Variants in DNPEP observed in about 807,000 individuals in gnomAD.
DNPEP encodes aspartyl aminopeptidase.
In DNPEP, 46 loss-of-function variants were observed where a neutral mutation model predicts 59.1. The ratio of observed to expected loss-of-function variants is 0.78; its 90% CI spans 0.61 to 0.99. The LOEUF is 0.99. Ranked by LOEUF, DNPEP falls within the 50% of genes least tolerant of loss-of-function variation. The pLI, the probability that DNPEP is intolerant of heterozygous loss-of-function variation, is 0.00. For synonymous variants in DNPEP, 229 were observed against 242.2 expected (o/e 0.95, Z 0.50); for missense variants, 617 against 649.9 (o/e 0.95, Z 0.55).
upstream of DNPEP, among the ~76,000 whole-genome samples, chr2:219,391,261 C>G (rs946379455): frequency 6.6e-6 from 1 of 152,200 alleles, no homozygotes; most frequent in Non-Finnish European, 1.5e-5. Context: ...ATGTCAGCCT[C>G]TTTCGTCGGC....
intron 13 of DNPEP, among the ~76,000 whole-genome samples, chr2:219,377,277 CAAAAAAAAAAAAAAAAAA>C (rs386392672): frequency 1.1e-4 from 7 of 66,104 alleles, no homozygotes; most frequent in Non-Finnish European, 1.6e-4. Flanking sequence ...CTCACTCTGT[CAAAAAAAAAAAAAAAAAA>C]AAAAAAAAAA....
Position 219,381,991 on chromosome 2 carries a change from T to C in DNPEP, c.1085A>G (p.His362Arg). ...ACTAGAGACTCACAGGTAGTTGGGATGCACAGCATGGGCCATGTCTGCGCT... is the reference window on the plus strand; with the variant it reads ...ACTAGAGACTCACAGGTAGTTGGGACGCACAGCATGGGCCATGTCTGCGCT... ...MISADMAHAV[H>R]PNYLDKHEEN... Residue 362 changes from histidine to arginine, a missense_variant, in exon 11 of 15, where the codon CAT becomes CGT. Coordinates refer to ENST00000273075, the MANE Select transcript of DNPEP (RefSeq NM_012100.4). 6.2e-7 allele frequency: 1 copy of C among 1,614,218 alleles called. No individual in the cohort carries two copies. The highest frequency in any genetic ancestry group is 1.1e-5 in the South Asian group (1 of 91,086).
chr2:219,381,628 G>A (rs1241595553), intron 11 of DNPEP, 44 bp from the exon 12 acceptor site: 4 of 1,598,680 alleles, frequency 2.5e-6, no homozygotes, highest in African/African-American at 2.7e-5. Flanking sequence ...ACAGGAGCAG[G>A]CCTGTCGACA....
chr2:219,384,605 G>A, intron 8 of DNPEP, 162 bp from the exon 9 acceptor site: 1 of 554,838 alleles, frequency 1.8e-6, no homozygotes, highest in Non-Finnish European at 3.3e-6. Flanking sequence ...GTTCGCTCTT[G>A]TCGCCCAGTC....
In DNPEP at chr2:219,386,298, G is replaced by A. The variant is rs764218206; in HGVS notation, c.447C>T (p.Arg149=). The A allele has an allele frequency of 9.9e-6, 16 of 1,614,146 alleles. No individual in the cohort carries two copies. Among genetic ancestry groups the A allele is most frequent in the Middle Eastern group, 1.6e-4 (1 of 6,062 alleles). ...WFDRDLTLAG[R]VIVKCPTSGR... ...CCTCGGTTCCCACCTTGACAATGAC[G>A]CGTCCAGCCAGAGTCAGGTCACGGT... Residue 149 remains arginine, a synonymous_variant, in exon 5 of 15, where the codon CGC becomes CGT. Coordinates refer to ENST00000273075, the MANE Select transcript of DNPEP (RefSeq NM_012100.4).
chr2:219,376,837 A>G (rs549102234), intron 13 of DNPEP, among the ~76,000 whole-genome samples: 2 of 152,304 alleles, frequency 1.3e-5, no homozygotes, highest in African/African-American at 2.4e-5. Context: ...TGTCAGGTCA[A>G]TAGGGGAAAA....
At position 219,386,559 on chromosome 2, in the gene DNPEP, C is replaced by T. The variant is rs528828428; in HGVS notation, c.333+106G>A. 2.8e-6 allele frequency: 4 copies of T among 1,441,738 alleles called. No individual in the cohort carries two copies. In the African/African-American group the frequency reaches 4.2e-5, roughly 15 times the overall value. The allele number at this position is 1,441,738 out of a possible 1,614,324, so 89.3% of individuals were successfully genotyped here. A position where few individuals can be genotyped will look rare whatever the true frequency, so the allele number is the denominator to read the frequency against. The stretch of plus-strand genomic sequence containing the variant: ...GAAGGGGCCAACAAGTTTACCTTCT[C>T]CCTTACTCCAGGGGATAGAGGCCCC... On this transcript the variant is annotated intron_variant, in intron 4 of 14. Coordinates refer to ENST00000273075, the MANE Select transcript of DNPEP (RefSeq NM_012100.4).
At position 219,399,771 on chromosome 2, in the gene DNPEP, C is replaced by G. The variant is rs1236066070; in HGVS notation, c.-158+169G>C. 3 of 1,016,466 alleles carry G rather than the reference C, an allele frequency of 3.0e-6. No individual in the cohort carries two copies. The Admixed American group carries it at 6.4e-5, about 22-fold the overall frequency. 63.0% of individuals were successfully genotyped at this position (1,016,466 alleles called of 1,614,324 possible). On this transcript the variant is annotated intron_variant, in intron 1 of 6. Transcript: ENST00000434339. ...CCCTATTTCATTCATCTCTTTATCC[C>G]CATAATGCCTAAGCCAGTGCGTGGC...
At chr2:219,394,570 C>G (rs979800883) in intron 1 of DNPEP, among the ~76,000 whole-genome samples, 1 of 152,142 alleles carries the variant, frequency 6.6e-6, no homozygotes, top group African/African-American at 2.4e-5. Context: ...GCCACGGTGC[C>G]TGGCCTCATC....
At chr2:219,391,184 T>C (rs1954010697), upstream of DNPEP, among the ~76,000 whole-genome samples, 3 of 152,328 alleles carry the variant, frequency 2.0e-5, no homozygotes, top group South Asian at 6.2e-4. Context: ...AATCCACCAT[T>C]TCATCTCTGA....
chr2:219,382,470 C>A (rs982681713), intron 10 of DNPEP, among the ~76,000 whole-genome samples: 2 of 152,188 alleles, frequency 1.3e-5, no homozygotes, highest in African/African-American at 4.8e-5. Flanking sequence ...TCCATGATAT[C>A]TTTTAGAACA....
chr2:219,396,005 C>A (rs1016186973), intron 1 of DNPEP, among the ~76,000 whole-genome samples: 3 of 152,044 alleles, frequency 2.0e-5, no homozygotes, highest in African/African-American at 7.3e-5. Flanking sequence ...TAATACTCAG[C>A]GATAAAAAGG....
At position 219,372,850 on chromosome 2, in the gene DNPEP, T is replaced by C. The variant is rs1334741984; in HGVS notation, c.*1442A>G. Among the ~76,000 whole-genome samples the C allele has an allele frequency of 6.6e-6, 1 of 152,206 alleles. No individual in the cohort carries two copies. The highest frequency in any genetic ancestry group is 1.5e-5 in the Non-Finnish European group (1 of 68,042). ...GGGCTTGCCTTTACTGAGAAATCTTTAGATGAATTCTAACTTTTTGCCATT... is the reference window on the plus strand; with the variant it reads ...GGGCTTGCCTTTACTGAGAAATCTTCAGATGAATTCTAACTTTTTGCCATT... On this transcript the variant is annotated 3_prime_UTR_variant, in exon 15 of 15. Coordinates refer to ENST00000273075, the MANE Select transcript of DNPEP (RefSeq NM_012100.4).
chr2:219,381,672 G>C, intron 11 of DNPEP, 88 bp from the exon 12 acceptor site: 1 of 1,405,200 alleles, frequency 7.1e-7, no homozygotes. Context: ...ATCACTAATA[G>C]ATCACCACTC....
Position 219,384,350 on chromosome 2 carries a change from C to T in DNPEP, c.852+16G>A, listed in dbSNP as rs73085218. On this transcript the variant is annotated intron_variant, in intron 9 of 14. Transcript: ENST00000273075. Reference sequence around the variant, plus strand: ...GCTGGTGGTTATGTGCTGCCTGGGGCGCCCCGGCTCCTCACCTGCAGGGCA... The same window carrying T: ...GCTGGTGGTTATGTGCTGCCTGGGGTGCCCCGGCTCCTCACCTGCAGGGCA... 568 of 1,600,176 alleles carry T rather than the reference C, an allele frequency of 3.5e-4. 2 individuals carry two copies. The African/African-American group carries it at 6.6e-3, about 19-fold the overall frequency.
At position 219,375,022 on chromosome 2, in the gene DNPEP, C is replaced by G; in HGVS notation, c.1240G>C (p.Asp414His). ...GGGGTGTCATTCCGGACCATGAGATCCTAGGGAGAGCAGGAGACCCATGAG... is the reference window on the plus strand; with the variant it reads ...GGGGTGTCATTCCGGACCATGAGATGCTAGGGAGAGCAGGAGACCCATGAG... Reference protein sequence around the residue: ...VANKVKVPLQDLMVRNDTPCG... With the variant: ...VANKVKVPLQHLMVRNDTPCG... Residue 414 changes from aspartate (D) to histidine (H), a missense_variant and splice_region_variant, in exon 14 of 15, where the codon GAT becomes CAT. Transcript: ENST00000273075. The G allele has an allele frequency of 6.2e-7, 1 of 1,613,888 alleles. No individual in the cohort carries two copies. Among genetic ancestry groups the G allele is most frequent in the South Asian group, 1.1e-5 (1 of 91,050 alleles).
chr2:219,391,337 T>C (rs1349457141), upstream of DNPEP, among the ~76,000 whole-genome samples: 1 of 152,140 alleles, frequency 6.6e-6, no homozygotes, highest in Non-Finnish European at 1.5e-5. Flanking sequence ...TTCTGTGGTG[T>C]AAATGTTCCC....
intron 1 of DNPEP, among the ~76,000 whole-genome samples, chr2:219,395,059 G>A (rs1954074701): frequency 6.6e-6 from 1 of 151,970 alleles, no homozygotes; most frequent in Non-Finnish European, 1.5e-5. Flanking sequence ...GTGTTCAAGT[G>A]ATTCTCCTGC....
intron 13 of DNPEP, among the ~76,000 whole-genome samples, chr2:219,381,019 C>T (rs948048188): frequency 6.6e-6 from 1 of 152,154 alleles, no homozygotes; most frequent in African/African-American, 2.4e-5. Flanking sequence ...GACAGGCCTA[C>T]CATGTGCCAG....
Sources: gnomAD v4.1 joint callset for allele counts (sites outside exome capture counted in the v4.1 genomes callset) on GRCh38, gnomAD v4.1.1 for gene constraint, MANE v1.5 for transcripts, NCBI Gene and HGNC (gene_info 2026-07-23, HGNC 2026-07-21) for gene names.